Variants in CCBE1 observed in about 807,000 individuals in gnomAD.
CCBE1 encodes the protein collagen and calcium binding EGF domains 1.
CCBE1 carries 37 observed loss-of-function variants against 50.0 expected under a neutral mutation model. The ratio of observed to expected loss-of-function variants is 0.74; its 90% confidence interval spans 0.57 to 0.97. The LOEUF (loss-of-function observed/expected upper bound fraction) is 0.97, where lower values mean the gene tolerates loss of function less well. Ranked by LOEUF, CCBE1 falls within the 50% of genes least tolerant of loss-of-function variation. The probability of loss-of-function intolerance (pLI) is 0.00; values close to 1 mark genes in which losing one functional copy is unlikely to be tolerated. For missense variants in CCBE1, 538 were observed against 523.8 expected (o/e 1.03, Z -0.26); for synonymous variants, 234 against 203.7 (o/e 1.15, Z -1.27).
intron 2 of CCBE1, among the ~76,000 whole-genome samples, chr18:59,493,672 T>C (rs1033356954): frequency 6.6e-6 from 1 of 152,186 alleles, no homozygotes; most frequent in Non-Finnish European, 1.5e-5. Context: ...AACTGCGTGT[T>C]ACAGGAGACA....
At chr18:59,654,085 GA>G (rs1185235102) in intron 2 of CCBE1, among the ~76,000 whole-genome samples, 4 of 152,234 alleles carry the variant, frequency 2.6e-5, no homozygotes, top group Non-Finnish European at 5.9e-5. Flanking sequence ...ATTAATGACA[GA>G]AGAGTGAAAC....
At chr18:59,646,730 A>C (rs2054059284) in intron 2 of CCBE1, among the ~76,000 whole-genome samples, 1 of 152,182 alleles carries the variant, frequency 6.6e-6, no homozygotes, top group African/African-American at 2.4e-5. Context: ...CTCATGTAGC[A>C]ATGATTTCAA....
At chr18:59,539,110 A>C (rs569667040) in intron 2 of CCBE1, among the ~76,000 whole-genome samples, 31 of 151,994 alleles carry the variant, frequency 2.0e-4, no homozygotes, top group Non-Finnish European at 3.7e-4. Context: ...CAAGAGGTCA[A>C]GGGTGCATGG....
chr18:59,586,735 C>A (rs1004924968), intron 2 of CCBE1, among the ~76,000 whole-genome samples: 2 of 152,158 alleles, frequency 1.3e-5, no homozygotes, highest in South Asian at 2.1e-4. Flanking sequence ...ACACTGTGCA[C>A]CCCTCATAGA....
At chr18:59,585,201 C>T (rs756518353) in intron 2 of CCBE1, among the ~76,000 whole-genome samples, 1 of 152,078 alleles carries the variant, frequency 6.6e-6, no homozygotes, top group Non-Finnish European at 1.5e-5. Flanking sequence ...TCGTAAGTGT[C>T]ATCTGTTACA....
In CCBE1 at chr18:59,436,036, C is replaced by T. The variant is rs1358700480; in HGVS notation, c.1093G>A (p.Ala365Thr). ...KVFGHRTHSS[A>T]EEFPLPQEFP... ...TCCTGAGGTAAAGGGAACTCCTCTG[C>T]TGAAGAGTGAGTCCGGTGCCCGAAC... The change falls in exon 11 of 11, where the codon GCA becomes ACA. Residue 365 changes from alanine (A) to threonine (T), a missense_variant. By Grantham distance (58) the Ala-to-Thr change is moderately conservative (BLOSUM62 0). Coordinates refer to ENST00000439986, the MANE Select transcript of CCBE1 (RefSeq NM_133459.4). 1.9e-6 allele frequency: 3 copies of T among 1,614,082 alleles called. No homozygotes were observed. The highest frequency in any genetic ancestry group is 2.7e-5 in the African/African-American group (2 of 74,928).
intron 2 of CCBE1, among the ~76,000 whole-genome samples, chr18:59,683,596 G>A (rs776392563): frequency 1.5e-4 from 23 of 152,128 alleles, no homozygotes; most frequent in Non-Finnish European, 3.2e-4. Context: ...TACTCAGGAG[G>A]CTGAGGCAGG....
At chr18:59,456,623 C>T (rs1459698634) in intron 5 of CCBE1, among the ~76,000 whole-genome samples, 1 of 152,176 alleles carries the variant, frequency 6.6e-6, no homozygotes, top group Non-Finnish European at 1.5e-5. Flanking sequence ...AGACCAGAAA[C>T]AAATTTCTGT....
intron 2 of CCBE1, among the ~76,000 whole-genome samples, chr18:59,638,270 G>C (rs998174061): frequency 6.6e-6 from 1 of 152,164 alleles, no homozygotes; most frequent in Admixed American, 6.5e-5. Context: ...AACCAATAGA[G>C]AACTTTCACA....
intron 2 of CCBE1, among the ~76,000 whole-genome samples, chr18:59,649,877 C>A (rs565357009): frequency 6.6e-6 from 1 of 152,324 alleles, no homozygotes; most frequent in East Asian, 1.9e-4. Flanking sequence ...GGGGCTCTGG[C>A]CTGGAGCTCT....
chr18:59,666,659 A>G (rs2054361417), intron 2 of CCBE1, among the ~76,000 whole-genome samples: 1 of 152,070 alleles, frequency 6.6e-6, no homozygotes. Flanking sequence ...GAATGTATAC[A>G]AGGCACATTT....
At chr18:59,492,721 T>G (rs1010152545) in intron 2 of CCBE1, among the ~76,000 whole-genome samples, 2 of 152,226 alleles carry the variant, frequency 1.3e-5, no homozygotes, top group Non-Finnish European at 2.9e-5. Context: ...TGGTTTCAAT[T>G]ACAGAAGCCC....
intron 2 of CCBE1, among the ~76,000 whole-genome samples, chr18:59,530,990 G>T (rs1915026424): frequency 6.6e-6 from 1 of 152,020 alleles, no homozygotes; most frequent in South Asian, 2.1e-4. Context: ...TTTCCATTTA[G>T]ACCAAGTCAG....
rs200149541 is a variant in CCBE1, at chr18:59,466,834, G to T, written c.458C>A (p.Thr153Asn). 2.0e-5 allele frequency: 32 copies of T among 1,613,554 alleles called. No homozygotes were observed. The highest frequency in any genetic ancestry group is 2.3e-5 in the Non-Finnish European group (27 of 1,179,846). ...GTLCAHICINTLGSYRCECRE... is the reference protein window; with the variant it reads ...GTLCAHICINNLGSYRCECRE... ...GCACTCGCAGCGGTAGCTGCCCAAG[G>T]TATTGATGCAGATGTGGGCACACAG... is the stretch of plus-strand genomic sequence containing the variant. Residue 153 changes from threonine to asparagine, a missense_variant, in exon 5 of 11, where the codon ACC becomes AAC. Thr to Asn is a moderately conservative substitution (Grantham distance 65). Transcript: ENST00000439986.
At chr18:59,495,589 G>A (rs1317441709) in intron 2 of CCBE1, among the ~76,000 whole-genome samples, 1 of 150,584 alleles carries the variant, frequency 6.6e-6, no homozygotes, top group African/African-American at 2.4e-5. Context: ...CTTGGCCCAC[G>A]CCATCCCTGG....
intron 2 of CCBE1, among the ~76,000 whole-genome samples, chr18:59,655,226 C>T (rs888830078): frequency 1.3e-5 from 2 of 152,250 alleles, no homozygotes; most frequent in South Asian, 2.1e-4. Context: ...GGTTCTAAAA[C>T]TGTTTCACGT....
intron 2 of CCBE1, among the ~76,000 whole-genome samples, chr18:59,526,554 C>T (rs979449318): frequency 6.6e-6 from 1 of 152,172 alleles, no homozygotes; most frequent in Admixed American, 6.5e-5. Context: ...CGTGATTCAC[C>T]TGCCTCAGCC....
chr18:59,680,821 G>C (rs2054579784), intron 2 of CCBE1, among the ~76,000 whole-genome samples: 1 of 152,128 alleles, frequency 6.6e-6, no homozygotes, highest in South Asian at 2.1e-4. Context: ...TCCTTCCAAA[G>C]GAGCGTAGGT....
At chr18:59,546,706 A>C (rs541785906) in intron 2 of CCBE1, among the ~76,000 whole-genome samples, 2 of 152,214 alleles carry the variant, frequency 1.3e-5, no homozygotes, top group East Asian at 3.9e-4. Flanking sequence ...TCTGGTAAAT[A>C]TTTTCCTTAG....
Sources: gnomAD v4.1 joint callset for allele counts (sites outside exome capture counted in the v4.1 genomes callset) on GRCh38, gnomAD v4.1.1 for gene constraint, MANE v1.5 for transcripts, NCBI Gene and HGNC (gene_info 2026-07-23, HGNC 2026-07-21) for gene names.